C7orf78: variants seen among roughly 807,000 people sequenced by gnomAD.
C7orf78 encodes the protein putative uncharacterized protein C7orf78.
At chr7:12,513,814 C>T in the C7orf78 span, among the ~76,000 whole-genome samples, 2 of 151,456 alleles carry the variant, frequency 1.3e-5, no homozygotes, top group African/African-American at 4.9e-5. Flanking sequence ...TCCTGGCTTA[C>T]ACGGTGAAAC....
At chr7:12,516,041 T>C in the C7orf78 span, among the ~76,000 whole-genome samples, 2 of 152,164 alleles carry the variant, frequency 1.3e-5, no homozygotes, top group Admixed American at 6.5e-5. Flanking sequence ...AGGAGCCAAA[T>C]GTTAATTCCC....
chr7:12,524,574 G>A, the C7orf78 span, among the ~76,000 whole-genome samples: 1 of 152,152 alleles, frequency 6.6e-6, no homozygotes. Flanking sequence ...GCCAGGAGCA[G>A]TGGCTCATAC....
chr7:12,493,528 A>T, the C7orf78 span, among the ~76,000 whole-genome samples: 3 of 152,216 alleles, frequency 2.0e-5, no homozygotes, highest in East Asian at 3.9e-4. Flanking sequence ...GGGCCTAAGG[A>T]TTACCATTTC....
the C7orf78 span, among the ~76,000 whole-genome samples, chr7:12,489,755 A>G: frequency 6.6e-6 from 1 of 152,140 alleles, no homozygotes; most frequent in Non-Finnish European, 1.5e-5. Flanking sequence ...GTAGGACATA[A>G]AACTAGAATT....
the C7orf78 span, among the ~76,000 whole-genome samples, chr7:12,529,875 G>T: frequency 2.2e-4 from 34 of 152,354 alleles, no homozygotes; most frequent in East Asian, 6.4e-3. Context: ...CTACCCATAG[G>T]CAGTGTGCTC....
chr7:12,525,624 A>T, the C7orf78 span, among the ~76,000 whole-genome samples: 6 of 152,250 alleles, frequency 3.9e-5, no homozygotes, highest in Non-Finnish European at 8.8e-5. Context: ...TGAATTGTTT[A>T]TACACTATTT....
chr7:12,501,385 T>A, the C7orf78 span, among the ~76,000 whole-genome samples: 1 of 150,702 alleles, frequency 6.6e-6, no homozygotes. Context: ...CAGCAAAGTC[T>A]CAGGATACAA....
chr7:12,498,130 G>T, the C7orf78 span, among the ~76,000 whole-genome samples: 1 of 151,858 alleles, frequency 6.6e-6, no homozygotes, highest in African/African-American at 2.4e-5. Context: ...CACAAAGATG[G>T]GGAAAAAACA....
the C7orf78 span, among the ~76,000 whole-genome samples, chr7:12,494,354 A>G: frequency 6.6e-6 from 1 of 152,180 alleles, no homozygotes; most frequent in African/African-American, 2.4e-5. Context: ...CCTTCTCTGA[A>G]GTATCACTCC....
chr7:12,499,032 G>A, the C7orf78 span, among the ~76,000 whole-genome samples: 1 of 151,966 alleles, frequency 6.6e-6, no homozygotes, highest in Non-Finnish European at 1.5e-5. Context: ...ACAAGCAAAT[G>A]CTGAGAGATT....
the C7orf78 span, among the ~76,000 whole-genome samples, chr7:12,497,454 A>C: frequency 5.5e-5 from 7 of 127,784 alleles, no homozygotes; most frequent in Non-Finnish European, 8.2e-5. Flanking sequence ...TAATCAAAGA[A>C]AGGGGTGACG....
At chr7:12,537,133 A>G in the C7orf78 span, among the ~76,000 whole-genome samples, 1 of 152,156 alleles carries the variant, frequency 6.6e-6, no homozygotes, top group Non-Finnish European at 1.5e-5. Context: ...TCATTCTCAC[A>G]CTGCTGATAA....
the C7orf78 span, among the ~76,000 whole-genome samples, chr7:12,527,067 C>T: frequency 5.6e-3 from 452 of 80,454 alleles, no homozygotes; most frequent in Middle Eastern, 0.016. Flanking sequence ...GAAAATGCCA[C>T]CTAGCTGTGT....
At chr7:12,501,793 A>G in the C7orf78 span, among the ~76,000 whole-genome samples, 16 of 141,052 alleles carry the variant, frequency 1.1e-4, no homozygotes, top group Admixed American at 1.1e-3. Flanking sequence ...AAGCCAAAAG[A>G]ACAAAGCTGG....
the C7orf78 span, among the ~76,000 whole-genome samples, chr7:12,515,537 G>C: frequency 6.6e-6 from 1 of 152,150 alleles, no homozygotes; most frequent in South Asian, 2.1e-4. Flanking sequence ...TGAAAATGTG[G>C]AAACAATTTT....
At chr7:12,502,509 A>T in the C7orf78 span, among the ~76,000 whole-genome samples, 1 of 150,110 alleles carries the variant, frequency 6.7e-6, no homozygotes, top group Non-Finnish European at 1.5e-5. Flanking sequence ...CCATCAGAGA[A>T]ATGCAAATCA....
chr7:12,489,176 T>C, the C7orf78 span, among the ~76,000 whole-genome samples: 1 of 152,072 alleles, frequency 6.6e-6, no homozygotes, highest in Admixed American at 6.6e-5. Flanking sequence ...ACATCTGTCA[T>C]GAAAAAGATT....
the C7orf78 span, among the ~76,000 whole-genome samples, chr7:12,527,967 C>T: frequency 2.0e-5 from 3 of 149,216 alleles, no homozygotes; most frequent in Non-Finnish European, 3.0e-5. Flanking sequence ...AACATGTCAG[C>T]TTTCCTAGTA....
the C7orf78 span, chr7:12,528,971 A>C: frequency 2.5e-6 from 1 of 398,522 alleles, no homozygotes; most frequent in East Asian, 3.6e-5. Flanking sequence ...ACCCACAAGC[A>C]TTGTGAATGC....
Sources: gnomAD v4.1 joint callset for allele counts (sites outside exome capture counted in the v4.1 genomes callset) on GRCh38, gnomAD v4.1.1 for gene constraint, MANE v1.5 for transcripts, NCBI Gene and HGNC (gene_info 2026-07-23, HGNC 2026-07-21) for gene names.